Variants in LRRC7 observed in about 807,000 individuals in gnomAD.
LRRC7 encodes leucine rich repeat containing 7.
A neutral mutation model predicts 175.7 loss-of-function variants in LRRC7; 23 were observed. That is an observed-to-expected ratio of 0.13 (90% CI 0.09 to 0.19). The LOEUF (loss-of-function observed/expected upper bound fraction) is 0.19. Among genes scored for constraint, LRRC7 ranks in the 10% least tolerant of loss-of-function variants. The pLI, the probability that LRRC7 is intolerant of heterozygous loss-of-function variation, is 1.00. For synonymous variants in LRRC7, 685 were observed against 680.9 expected (o/e 1.01, Z -0.09); for missense variants, 1,354 against 1,904.7 (o/e 0.71, Z 5.38).
At chr1:69,781,370 G>A (rs1006128340) in intron 3 of LRRC7, among the ~76,000 whole-genome samples, 1 of 151,808 alleles carries the variant, frequency 6.6e-6, no homozygotes, top group Admixed American at 6.6e-5. Context: ...ATTCAGAGGC[G>A]ATAGTGCGCT....
chr1:69,758,538 G>A (rs1308540908), intron 2 of LRRC7, among the ~76,000 whole-genome samples: 1 of 151,974 alleles, frequency 6.6e-6, no homozygotes, highest in Non-Finnish European at 1.5e-5. Context: ...TGGGGCACAT[G>A]TGCAGCATTG....
chr1:69,824,902 C>A (rs1679726607), intron 4 of LRRC7, among the ~76,000 whole-genome samples: 1 of 152,166 alleles, frequency 6.6e-6, no homozygotes, highest in South Asian at 2.1e-4. Context: ...CATATAGCTT[C>A]TTCCCTTCTA....
At chr1:69,705,811 C>A (rs1375995111) in intron 2 of LRRC7, among the ~76,000 whole-genome samples, 1 of 152,084 alleles carries the variant, frequency 6.6e-6, no homozygotes, top group African/African-American at 2.4e-5. Flanking sequence ...TGATTTTGGA[C>A]ATGACCAGAA....
chr1:69,793,127 A>G (rs886205678), intron 4 of LRRC7, among the ~76,000 whole-genome samples: 1 of 152,158 alleles, frequency 6.6e-6, no homozygotes, highest in Admixed American at 6.5e-5. Context: ...AGGCATGAAC[A>G]AAACAGATCC....
intron 7 of LRRC7, among the ~76,000 whole-genome samples, chr1:69,867,614 C>T (rs1043312628): frequency 6.6e-6 from 1 of 152,004 alleles, no homozygotes; most frequent in Non-Finnish European, 1.5e-5. Flanking sequence ...CTGGAAATTA[C>T]GAGAACCAAT....
intron 2 of LRRC7, among the ~76,000 whole-genome samples, chr1:69,681,126 T>C (rs1349940852): frequency 6.6e-6 from 1 of 152,108 alleles, no homozygotes; most frequent in Non-Finnish European, 1.5e-5. Context: ...ATCATAAAGC[T>C]GAAATTCTTG....
At chr1:69,868,423 A>G (rs556466131) in intron 7 of LRRC7, among the ~76,000 whole-genome samples, 1 of 152,260 alleles carries the variant, frequency 6.6e-6, no homozygotes, top group South Asian at 2.1e-4. Context: ...TTGGAAAGAT[A>G]TTGATTAAAC....
chr1:69,808,637 C>T (rs1229570446), intron 4 of LRRC7, among the ~76,000 whole-genome samples: 2 of 152,126 alleles, frequency 1.3e-5, no homozygotes, highest in African/African-American at 4.8e-5. Flanking sequence ...TACAAGGAAA[C>T]TGAACAACCT....
chr1:69,644,104 T>C (rs961998680), intron 1 of LRRC7, among the ~76,000 whole-genome samples: 2 of 152,254 alleles, frequency 1.3e-5, no homozygotes, highest in Admixed American at 6.5e-5. Flanking sequence ...ATATATTCTA[T>C]GTCCATGTGA....
chr1:69,984,880 A>T (rs1323503678), intron 9 of LRRC7, among the ~76,000 whole-genome samples: 1 of 152,196 alleles, frequency 6.6e-6, no homozygotes, highest in African/African-American at 2.4e-5. Context: ...TCTTCACGTG[A>T]CATAGAAACC....
chr1:69,580,906 G>T (rs1205702664), intron 1 of LRRC7, among the ~76,000 whole-genome samples: 2 of 152,166 alleles, frequency 1.3e-5, no homozygotes, highest in African/African-American at 4.8e-5. Flanking sequence ...CATCTTTGAT[G>T]AACTGCTATT....
intron 1 of LRRC7, among the ~76,000 whole-genome samples, chr1:69,613,177 G>A (rs1355080015): frequency 2.6e-5 from 4 of 152,078 alleles, no homozygotes; most frequent in Non-Finnish European, 5.9e-5. Context: ...GAAGTCCAAG[G>A]TCAAGGTGCC....
At chr1:70,024,326 GT>G (rs1045659743) in intron 17 of LRRC7, among the ~76,000 whole-genome samples, 1 of 150,880 alleles carries the variant, frequency 6.6e-6, no homozygotes, top group African/African-American at 2.4e-5. Flanking sequence ...TTAAAAAACA[GT>G]TCTGTGTGAA....
At chr1:69,731,782 A>G (rs962985834) in intron 2 of LRRC7, among the ~76,000 whole-genome samples, 10 of 152,172 alleles carry the variant, frequency 6.6e-5, no homozygotes, top group South Asian at 2.1e-4. Context: ...CTATTGATGA[A>G]TTTTGAAAGA....
chr1:70,111,258 A>T (rs1665507346), intron 26 of LRRC7, among the ~76,000 whole-genome samples: 1 of 152,110 alleles, frequency 6.6e-6, no homozygotes, highest in South Asian at 2.1e-4. Context: ...TTCAGCTATG[A>T]TATTATGAGC....
At chr1:69,781,044 A>G (rs1016085047) in intron 3 of LRRC7, among the ~76,000 whole-genome samples, 9 of 152,204 alleles carry the variant, frequency 5.9e-5, no homozygotes, top group African/African-American at 1.9e-4. Context: ...ATCTACATTT[A>G]TGCCATTTTT....
chr1:70,101,389 A>G lies in LRRC7; in HGVS notation c.4546-6363A>G, dbSNP rs79897684. 7.4e-3 allele frequency among the ~76,000 whole-genome samples: 1,126 copies of G among 152,338 alleles called. 20 individuals carry two copies. The highest frequency in any genetic ancestry group is 0.026 in the African/African-American group (1,082 of 41,584). On this transcript the variant is annotated intron_variant, in intron 25 of 26. Transcript: ENST00000651989. ...ACTTTTCAGAATTTTAAGGAAAAGC[A>G]TATTTCATACGTTGAAGTCATAGGT...
At chr1:69,730,819 A>G (rs1014767012) in intron 2 of LRRC7, among the ~76,000 whole-genome samples, 2 of 152,114 alleles carry the variant, frequency 1.3e-5, no homozygotes, top group Non-Finnish European at 2.9e-5. Flanking sequence ...GTCTGTTCTC[A>G]TACTACTAAT....
chr1:69,697,233 C>T (rs934837147), intron 2 of LRRC7, among the ~76,000 whole-genome samples: 8 of 152,134 alleles, frequency 5.3e-5, no homozygotes. Context: ...CTAAAACATG[C>T]CTCTTTCACA....
Sources: gnomAD v4.1 joint callset for allele counts (sites outside exome capture counted in the v4.1 genomes callset) on GRCh38, gnomAD v4.1.1 for gene constraint, MANE v1.5 for transcripts, NCBI Gene and HGNC (gene_info 2026-07-23, HGNC 2026-07-21) for gene names.